The following MYOM1 variants were observed in gnomAD, a reference collection of about 807,000 sequenced individuals.
The protein encoded by MYOM1 is myomesin-1.
Under a neutral mutation model 205.3 loss-of-function variants are expected in MYOM1, and 164 were observed. The observed-to-expected ratio is 0.80, with a 90% confidence interval of 0.70 to 0.91. The LOEUF (loss-of-function observed/expected upper bound fraction) is 0.91, where lower values mean the gene tolerates loss of function less well. MYOM1 is among the 40% of genes least tolerant of loss of function. The pLI is 0.00. For synonymous variants in MYOM1, 772 were observed against 789.4 expected (o/e 0.98, Z 0.37); for missense variants, 2,011 against 2,127.3 (o/e 0.95, Z 1.08).
At chr18:3,100,549 T>C in intron 23 of MYOM1, 123 bp from the exon 24 acceptor site, 1 of 700,506 alleles carries the variant, frequency 1.4e-6, no homozygotes, top group Non-Finnish European at 2.5e-6. Flanking sequence ...CTCATCTTGC[T>C]GAGCTACAGC....
chr18:3,126,803 T>C lies in MYOM1; in HGVS notation c.2889A>G (p.Ala963=). 9.9e-6 allele frequency: 16 copies of C among 1,613,968 alleles called. No individual in the cohort carries two copies. The highest frequency in any genetic ancestry group is 1.4e-5 in the Non-Finnish European group (16 of 1,179,876). ...GWKQPDKIGG[A]EITGYYVNYR... is the part of the protein sequence containing the mutation. ...AGTTCACATAATAGCCAGTAATTTC[T>C]GCCCCTCCAATCTTATCTGGTTGCT... The change falls in exon 19 of 38, where the codon GCA becomes GCG. Residue 963 remains alanine, a synonymous_variant. Coordinates refer to ENST00000356443, the MANE Select transcript of MYOM1 (RefSeq NM_003803.4).
chr18:3,182,808 A>C (rs1172656909), intron 5 of MYOM1, among the ~76,000 whole-genome samples: 1 of 151,308 alleles, frequency 6.6e-6, no homozygotes, highest in East Asian at 1.9e-4. Flanking sequence ...AATTTTTTTC[A>C]CTACATATGT....
intron 33 of MYOM1, among the ~76,000 whole-genome samples, chr18:3,082,487 C>G (rs985212788): frequency 1.3e-5 from 2 of 152,090 alleles, no homozygotes; most frequent in African/African-American, 4.8e-5. Flanking sequence ...TGAGCAGTGC[C>G]CCCCATATTG....
chr18:3,086,798 T>G (rs1422225938), intron 29 of MYOM1, among the ~76,000 whole-genome samples: 1 of 152,202 alleles, frequency 6.6e-6, no homozygotes, highest in Non-Finnish European at 1.5e-5. Context: ...AATATACTCA[T>G]GTATTTCTTG....
the MYOM1 span, among the ~76,000 whole-genome samples, chr18:3,241,940 C>T: frequency 1.3e-5 from 2 of 152,178 alleles, no homozygotes; most frequent in East Asian, 1.9e-4. Context: ...TGCTTGGAGC[C>T]TGTAGTCCCT....
chr18:3,086,084 T>G lies in MYOM1; in HGVS notation c.4205A>C (p.Glu1402Ala). Residue 1402 changes from glutamate (E) to alanine (A), a missense_variant, in exon 30 of 38, where the codon GAA becomes GCA. By Grantham distance (107) the Glu-to-Ala change is moderately radical. Coordinates refer to ENST00000356443, the MANE Select transcript of MYOM1 (RefSeq NM_003803.4). ...TATACCATCCTTAAAGTCATGCTTTTCATCCACTGATATCTCCCTCTCATC... is the reference window on the plus strand; with the variant it reads ...TATACCATCCTTAAAGTCATGCTTTGCATCCACTGATATCTCCCTCTCATC... ...YKDEREISVD[E>A]KHDFKDGICT... The G allele has an allele frequency of 6.2e-7, 1 of 1,612,008 alleles. No homozygotes were observed. Among genetic ancestry groups the G allele is most frequent in the Non-Finnish European group, 8.5e-7 (1 of 1,179,318 alleles).
At chr18:3,141,596 A>C (rs2080050213) in intron 14 of MYOM1, among the ~76,000 whole-genome samples, 1 of 152,194 alleles carries the variant, frequency 6.6e-6, no homozygotes, top group Admixed American at 6.5e-5. Flanking sequence ...AAAAGCCATT[A>C]CCAAAGCAAG....
the MYOM1 span, among the ~76,000 whole-genome samples, chr18:3,234,025 A>G: frequency 6.6e-6 from 1 of 152,202 alleles, no homozygotes; most frequent in Non-Finnish European, 1.5e-5. Context: ...CCTCTTACCC[A>G]GAATATGACC....
At chr18:3,067,626 C>A in intron 37 of MYOM1, 71 bp from the exon 38 acceptor site, 1 of 1,521,462 alleles carries the variant, frequency 6.6e-7, no homozygotes, top group South Asian at 1.3e-5. Flanking sequence ...ACAATCTTGC[C>A]GGCTGGTGGC....
At chr18:3,077,014 G>GTTT (rs1308689052) in intron 34 of MYOM1, among the ~76,000 whole-genome samples, 2 of 135,274 alleles carry the variant, frequency 1.5e-5, no homozygotes, top group African/African-American at 2.7e-5. Context: ...TCCCAGCCTT[G>GTTT]TTTTTTTTTT....
chr18:3,163,783 T>C (rs926579112), intron 10 of MYOM1, among the ~76,000 whole-genome samples: 4 of 152,106 alleles, frequency 2.6e-5, no homozygotes, highest in African/African-American at 7.2e-5. Context: ...CATATTCTTA[T>C]TCAATGTAAT....
At chr18:3,181,084 G>A (rs539122091) in intron 5 of MYOM1, among the ~76,000 whole-genome samples, 6 of 152,128 alleles carry the variant, frequency 3.9e-5, no homozygotes, top group East Asian at 1.9e-4. Context: ...GTGCCACCAC[G>A]TCCAGCTACT....
At position 3,209,287 on chromosome 18, in the gene MYOM1, C is replaced by G. The variant is rs1407428345; in HGVS notation, c.290+5647G>C. ...GGTGCTGAGGAACTCTGGGAGAAAT[C>G]TGACGGAATTCAGAACTCAGCCATG... On this transcript the variant is annotated intron_variant, in intron 2 of 37. Coordinates refer to ENST00000356443, the MANE Select transcript of MYOM1 (RefSeq NM_003803.4). This position sits in a 1 kb window ranked among gnomAD's most constrained non-coding sequence, Gnocchi z 4.0. Among the ~76,000 whole-genome samples the G allele has an allele frequency of 1.3e-5, 2 of 152,148 alleles. No individual in the cohort carries two copies. Among genetic ancestry groups the G allele is most frequent in the African/African-American group, 4.8e-5 (2 of 41,432 alleles).
rs571278126 is a variant in MYOM1, at chr18:3,119,764, T to G, written c.3118+105A>C. The G allele has an allele frequency of 5.8e-5, 81 of 1,384,762 alleles. No homozygotes were observed. In the South Asian group the frequency reaches 8.6e-4, roughly 15 times the overall value. 85.8% of individuals were successfully genotyped at this position (1,384,762 alleles called of 1,614,324 possible). Reference sequence around the variant, plus strand: ...ACACAAGGGGCCAAGAGAATTCTTTTCCCTTAAATATTGACCATATAGTAC... The same window carrying G: ...ACACAAGGGGCCAAGAGAATTCTTTGCCCTTAAATATTGACCATATAGTAC... On this transcript the variant is annotated intron_variant, in intron 20 of 37. Coordinates refer to ENST00000356443, the MANE Select transcript of MYOM1 (RefSeq NM_003803.4).
At chr18:3,245,420 G>C in the MYOM1 span, among the ~76,000 whole-genome samples, 1 of 152,140 alleles carries the variant, frequency 6.6e-6, no homozygotes, top group East Asian at 1.9e-4. Flanking sequence ...TAGTAAAAAC[G>C]TGAGAAGGAG....
At chr18:3,075,839 G>A in intron 34 of MYOM1, 78 bp from the exon 35 acceptor site, 3 of 1,291,700 alleles carry the variant, frequency 2.3e-6, no homozygotes, top group Non-Finnish European at 3.3e-6. Flanking sequence ...ATTCACAACT[G>A]GAGATTGCTG....
intron 5 of MYOM1, among the ~76,000 whole-genome samples, chr18:3,180,866 C>G (rs1232401267): frequency 1.3e-5 from 2 of 151,672 alleles, no homozygotes; most frequent in Non-Finnish European, 2.9e-5. Flanking sequence ...AAAGCATGAT[C>G]AAGCAAAAGA....
At chr18:3,157,567 C>T (rs951916023) in intron 10 of MYOM1, among the ~76,000 whole-genome samples, 19 of 151,618 alleles carry the variant, frequency 1.3e-4, no homozygotes, top group Non-Finnish European at 2.2e-4. Flanking sequence ...TTTCCAGTAA[C>T]TTGAGAGGCT....
At chr18:3,237,598 C>CAAAAAAAAAAAAAAAAAAAAA in the MYOM1 span, among the ~76,000 whole-genome samples, 1 of 53,608 alleles carries the variant, frequency 1.9e-5, no homozygotes, top group Non-Finnish European at 3.4e-5. Context: ...GACTCCGTCT[C>CAAAAAAAAAAAAAAAAAAAAA]AAAAAAAAAA....
Sources: allele counts gnomAD v4.1 joint callset (sites outside exome capture counted in the v4.1 genomes callset), GRCh38; gene constraint gnomAD v4.1.1; non-coding constraint Gnocchi (gnomAD v3.1); transcripts MANE v1.5; gene names NCBI Gene and HGNC (gene_info 2026-07-23, HGNC 2026-07-21).